MCPH1: variants seen among roughly 807,000 people sequenced by gnomAD.
The protein encoded by MCPH1 is microcephalin.
A neutral mutation model predicts 84.5 loss-of-function variants in MCPH1; 104 were observed. The observed-to-expected ratio is 1.23, with a 90% confidence interval of 1.05 to 1.45. The LOEUF (loss-of-function observed/expected upper bound fraction) is 1.45. Among genes scored for constraint, MCPH1 ranks in the 40% most tolerant of loss-of-function variants. MCPH1 has a pLI of 0.00. For synonymous variants in MCPH1, 514 were observed against 366.8 expected (o/e 1.40, Z -4.58); for missense variants, 1,498 against 1,005.7 (o/e 1.49, Z -6.62).
chr8:6,421,479 A>C (rs1429515880), intron 3 of MCPH1, among the ~76,000 whole-genome samples: 2 of 151,694 alleles, frequency 1.3e-5, no homozygotes, highest in Admixed American at 6.6e-5. Context: ...ATCATCCCCC[A>C]GCCAAATCCA....
chr8:6,434,849 G>T (rs17609194), intron 4 of MCPH1, among the ~76,000 whole-genome samples: 1 of 152,136 alleles, frequency 6.6e-6, no homozygotes, highest in African/African-American at 2.4e-5. Flanking sequence ...TTTCCCTGGG[G>T]TCCTATAAGA....
intron 12 of MCPH1, among the ~76,000 whole-genome samples, chr8:6,602,070 G>A (rs1188926811): frequency 2.0e-5 from 3 of 152,202 alleles, no homozygotes; most frequent in African/African-American, 7.2e-5. Flanking sequence ...GAATAGAGAA[G>A]GCTCTCCATA....
At chr8:6,557,659 T>A (rs75410505) in intron 12 of MCPH1, among the ~76,000 whole-genome samples, 6,528 of 150,260 alleles carry the variant, frequency 0.043, 374 homozygotes, top group African/African-American at 0.13. Context: ...TATATATTTT[T>A]TATATTTAAT....
intron 13 of MCPH1, chr8:6,625,898 T>C: frequency 1.0e-6 from 1 of 985,410 alleles, no homozygotes; most frequent in Non-Finnish European, 1.2e-6. Flanking sequence ...AGGAGTTTTT[T>C]AGCCACTAGG....
chr8:6,640,085 T>C (rs1030650888), intron 13 of MCPH1, among the ~76,000 whole-genome samples: 1 of 144,776 alleles, frequency 6.9e-6, no homozygotes, highest in Non-Finnish European at 1.5e-5. Context: ...TGTGTGTGTG[T>C]GTGTGTGTGT....
intron 12 of MCPH1, among the ~76,000 whole-genome samples, chr8:6,515,894 GT>G (rs1314048689): frequency 3.3e-5 from 5 of 152,342 alleles, no homozygotes; most frequent in African/African-American, 4.8e-5. Flanking sequence ...AACCAAGAGA[GT>G]GCTATTCCTG....
intron 12 of MCPH1, chr8:6,508,741 A>G (rs569231221): frequency 3.9e-6 from 3 of 768,264 alleles, no homozygotes; most frequent in South Asian, 3.5e-5. Context: ...GTCTAGCTCC[A>G]TATCATATTC....
intron 3 of MCPH1, among the ~76,000 whole-genome samples, chr8:6,417,024 G>T (rs1289680298): frequency 6.6e-6 from 1 of 151,254 alleles, no homozygotes; most frequent in African/African-American, 2.4e-5. Context: ...TCTGGCTTTT[G>T]TCAAGATTTT....
intron 2 of MCPH1, among the ~76,000 whole-genome samples, chr8:6,413,058 A>T (rs183617136): frequency 6.6e-6 from 1 of 152,224 alleles, no homozygotes; most frequent in Non-Finnish European, 1.5e-5. Flanking sequence ...TATAAAAATT[A>T]TGCAGATGAG....
chr8:6,623,664 A>G (rs1831721716), intron 13 of MCPH1, among the ~76,000 whole-genome samples: 1 of 128,998 alleles, frequency 7.8e-6, no homozygotes, highest in African/African-American at 3.0e-5. Flanking sequence ...AGAGTAATTC[A>G]TCTTTTGCCT....
At chr8:6,415,534 G>C (rs1799152857) in intron 3 of MCPH1, among the ~76,000 whole-genome samples, 1 of 151,672 alleles carries the variant, frequency 6.6e-6, no homozygotes, top group Non-Finnish European at 1.5e-5. Flanking sequence ...TTGCATTTTT[G>C]GTAGAGACGG....
chr8:6,640,962 C>G (rs1272145458), intron 13 of MCPH1, among the ~76,000 whole-genome samples: 1 of 152,116 alleles, frequency 6.6e-6, no homozygotes, highest in Non-Finnish European at 1.5e-5. Flanking sequence ...TCTGGTTATT[C>G]TCGTCCATTG....
At chr8:6,414,209 G>C (rs1237943674) in intron 2 of MCPH1, among the ~76,000 whole-genome samples, 6 of 152,082 alleles carry the variant, frequency 3.9e-5, no homozygotes, top group African/African-American at 9.7e-5. Flanking sequence ...GGTTTCACCA[G>C]GTTGGCTAGG....
At chr8:6,494,417 T>C (rs1811008489) in intron 11 of MCPH1, 1 of 152,242 alleles carries the variant, frequency 6.6e-6, no homozygotes, top group Admixed American at 6.5e-5. Context: ...GATAAGGCAG[T>C]GGATTTCACT....
At chr8:6,440,422 CT>C (rs1340799962) in intron 6 of MCPH1, among the ~76,000 whole-genome samples, 1 of 152,184 alleles carries the variant, frequency 6.6e-6, no homozygotes, top group African/African-American at 2.4e-5. Flanking sequence ...GACATAGAGT[CT>C]CCCTGTGTTG....
At position 6,500,090 on chromosome 8, in the gene MCPH1, C is replaced by T. The variant is rs2242005; in HGVS notation, c.2214+161C>T. 36,221 of 669,834 alleles carry T rather than the reference C, an allele frequency of 0.054. 1,747 individuals are homozygous for T. Among genetic ancestry groups the T allele is most frequent in the African/African-American group, 0.16 (8,766 of 55,760 alleles). The allele number at this position is 669,834 out of a possible 1,614,324, so 41.5% of individuals were successfully genotyped here. A position where few individuals can be genotyped will look rare whatever the true frequency, so the allele number is the denominator to read the frequency against. ...TTAACACCTTTTATCAATTTATTCG[C>T]GAGAACAAATGTGAGAACGTGAGAC... is the stretch of plus-strand genomic sequence containing the variant. On this transcript the variant is annotated intron_variant, in intron 12 of 13. Transcript: ENST00000344683.
chr8:6,481,634 A>G (rs1809254812), intron 11 of MCPH1, among the ~76,000 whole-genome samples: 1 of 152,180 alleles, frequency 6.6e-6, no homozygotes, highest in African/African-American at 2.4e-5. Context: ...GAATTATAAC[A>G]TGCAAAAGCT....
chr8:6,621,741 A>G (rs766832836), intron 13 of MCPH1, 50 bp downstream of exon 13: 1 of 1,612,812 alleles, frequency 6.2e-7, no homozygotes, highest in African/African-American at 1.3e-5. Context: ...ATCTGTGGAC[A>G]GGTTTCCAGG....
chr8:6,473,760 C>T (rs1021074053), intron 9 of MCPH1: 8 of 713,772 alleles, frequency 1.1e-5, no homozygotes, highest in African/African-American at 5.4e-5. Flanking sequence ...TTTAATAAAG[C>T]GTTCCTGATA....
Sources: allele counts gnomAD v4.1 joint callset (sites outside exome capture counted in the v4.1 genomes callset), GRCh38; gene constraint gnomAD v4.1.1; transcripts MANE v1.5; gene names NCBI Gene and HGNC (gene_info 2026-07-23, HGNC 2026-07-21).